The following UTS2 variants were observed in gnomAD, a reference collection of about 807,000 sequenced individuals.
UTS2 encodes the protein urotensin-2.
A neutral mutation model predicts 12.6 loss-of-function variants in UTS2; 10 were observed. The ratio of observed to expected loss-of-function variants is 0.80; its 90% CI spans 0.49 to 1.35. The LOEUF is 1.35. Among genes scored for constraint, UTS2 ranks in the 40% most tolerant of loss-of-function variants. The probability of loss-of-function intolerance (pLI) is 0.00; values close to 1 mark genes in which losing one functional copy is unlikely to be tolerated. For missense variants in UTS2, 142 were observed against 143.2 expected (o/e 0.99, Z 0.04); for synonymous variants, 52 against 50.0 (o/e 1.04, Z -0.17).
At chr1:7,862,763 C>T in the UTS2 span, among the ~76,000 whole-genome samples, 37 of 152,254 alleles carry the variant, frequency 2.4e-4, no homozygotes, top group Non-Finnish European at 3.5e-4. Context: ...GGTCCACCCC[C>T]GTGACCCAAA....
At chr1:7,884,179 T>C in the UTS2 span, among the ~76,000 whole-genome samples, 14 of 152,236 alleles carry the variant, frequency 9.2e-5, no homozygotes, top group Non-Finnish European at 1.5e-4. Flanking sequence ...TATTTTTTCA[T>C]TGATGTATCT....
chr1:7,870,740 G>T, the UTS2 span, among the ~76,000 whole-genome samples: 1 of 152,158 alleles, frequency 6.6e-6, no homozygotes, highest in African/African-American at 2.4e-5. Flanking sequence ...TAAAAACAGA[G>T]GATATTAAAC....
chr1:7,875,059 T>TTTTTTC, the UTS2 span, among the ~76,000 whole-genome samples: 1 of 151,880 alleles, frequency 6.6e-6, no homozygotes, highest in African/African-American at 2.4e-5. Flanking sequence ...TTCTTTATTT[T>TTTTTTC]TTTTTTCTTT....
the UTS2 span, among the ~76,000 whole-genome samples, chr1:7,865,045 C>T: frequency 7.3e-5 from 2 of 27,504 alleles, no homozygotes; most frequent in African/African-American, 2.0e-4. Flanking sequence ...TCTGTCTGTC[C>T]GATACCATCA....
chr1:7,883,650 G>A, the UTS2 span, among the ~76,000 whole-genome samples: 4 of 151,956 alleles, frequency 2.6e-5, no homozygotes, highest in Non-Finnish European at 2.9e-5. Flanking sequence ...CACATGTACT[G>A]ATAAATATGC....
At chr1:7,858,008 C>T (rs1301882679), upstream of UTS2, among the ~76,000 whole-genome samples, 3 of 151,984 alleles carry the variant, frequency 2.0e-5, no homozygotes, top group Non-Finnish European at 2.9e-5. Context: ...TTTGAAGACC[C>T]GTGAGGACCA....
chr1:7,910,641 G>A, the UTS2 span, among the ~76,000 whole-genome samples: 1 of 152,056 alleles, frequency 6.6e-6, no homozygotes, highest in African/African-American at 2.4e-5. Context: ...TATTAATTTG[G>A]CTTTTGTCAG....
the UTS2 span, among the ~76,000 whole-genome samples, chr1:7,906,646 A>G: frequency 6.6e-6 from 1 of 152,150 alleles, no homozygotes; most frequent in African/African-American, 2.4e-5. Flanking sequence ...CAGGCTGGAC[A>G]GAAAACTATA....
the UTS2 span, among the ~76,000 whole-genome samples, chr1:7,862,834 C>T: frequency 4.7e-3 from 714 of 152,232 alleles, 2 homozygotes; most frequent in Non-Finnish European, 5.4e-3. Flanking sequence ...CAAACTACAG[C>T]GGGACCTTTG....
At chr1:7,891,171 G>A in the UTS2 span, among the ~76,000 whole-genome samples, 1 of 152,132 alleles carries the variant, frequency 6.6e-6, no homozygotes. Flanking sequence ...GTAGAATGGT[G>A]GTTACCAGGT....
chr1:7,877,126 C>CA, the UTS2 span, among the ~76,000 whole-genome samples: 31,834 of 61,906 alleles, frequency 0.51, 5,275 homozygotes, highest in East Asian at 0.61. Context: ...GAGACTCTAT[C>CA]AAAAAAAAAA....
At chr1:7,853,719 G>T (rs748348197), upstream of UTS2, among the ~76,000 whole-genome samples, 2 of 152,168 alleles carry the variant, frequency 1.3e-5, no homozygotes, top group Non-Finnish European at 2.9e-5. Context: ...CAGAAAACTC[G>T]CTGATAAACA....
chr1:7,855,311 C>T (rs747404587), upstream of UTS2, among the ~76,000 whole-genome samples: 7 of 152,100 alleles, frequency 4.6e-5, no homozygotes, highest in Non-Finnish European at 7.3e-5. Context: ...GAGCAAGGCG[C>T]GGTGGCTCAC....
chr1:7,849,135 G>A (rs1478979100), intron 3 of UTS2, among the ~76,000 whole-genome samples: 1 of 152,098 alleles, frequency 6.6e-6, no homozygotes, highest in Non-Finnish European at 1.5e-5. Context: ...AACAGGCACT[G>A]GGTAGGTTCC....
upstream of UTS2, among the ~76,000 whole-genome samples, chr1:7,854,643 G>GA (rs896643901): frequency 6.6e-6 from 1 of 151,800 alleles, no homozygotes; most frequent in African/African-American, 2.4e-5. Flanking sequence ...AATCACACAG[G>GA]AAAAAAATTG....
At chr1:7,857,107 T>TGAATGAAGGAAGGAAGGAAGGAAGGAAG (rs1553334050), upstream of UTS2, among the ~76,000 whole-genome samples, 1 of 125,284 alleles carries the variant, frequency 8.0e-6, no homozygotes, top group Non-Finnish European at 1.6e-5. Context: ...AGAAAAGGAA[T>TGAATGAAGGAAGGAAGGAAGGAAGGAAG]GAAGGAAGGA....
the UTS2 span, among the ~76,000 whole-genome samples, chr1:7,875,691 T>C: frequency 6.6e-6 from 1 of 152,076 alleles, no homozygotes; most frequent in Non-Finnish European, 1.5e-5. Flanking sequence ...ACTGCTTGTG[T>C]GCACCATCAA....
At chr1:7,908,049 C>T in the UTS2 span, among the ~76,000 whole-genome samples, 1 of 151,974 alleles carries the variant, frequency 6.6e-6, no homozygotes, top group African/African-American at 2.4e-5. Flanking sequence ...GCTGTAATCC[C>T]AGCATTTTGA....
chr1:7,868,827 T>G, the UTS2 span, among the ~76,000 whole-genome samples: 2 of 151,444 alleles, frequency 1.3e-5, no homozygotes, highest in African/African-American at 4.9e-5. Context: ...TGTTGGGAGG[T>G]GATTGGAGGT....
Sources: allele counts gnomAD v4.1 joint callset (sites outside exome capture counted in the v4.1 genomes callset), GRCh38; gene constraint gnomAD v4.1.1; transcripts MANE v1.5; gene names NCBI Gene and HGNC (gene_info 2026-07-23, HGNC 2026-07-21).